Variants in PTPRD observed in about 807,000 individuals in gnomAD.
PTPRD encodes receptor-type tyrosine-protein phosphatase delta.
A neutral mutation model predicts 214.5 loss-of-function variants in PTPRD; 34 were observed. The observed-to-expected ratio is 0.16, with a 90% CI of 0.12 to 0.21. The LOEUF is 0.21. PTPRD is among the 10% of genes least tolerant of loss of function. The probability of loss-of-function intolerance (pLI) is 1.00; values close to 1 mark genes in which losing one functional copy is unlikely to be tolerated. For synonymous variants in PTPRD, 1,128 were observed against 845.7 expected (o/e 1.33, Z -5.79); for missense variants, 2,545 against 2,398.7 (o/e 1.06, Z -1.27).
Position 8,975,097 on chromosome 9 carries a change from C to CAAAAA in PTPRD, c.-104+43595_-104+43599dup, listed in dbSNP as rs35644783. On this transcript the variant is annotated intron_variant, in intron 11 of 45. Transcript: ENST00000381196. ...GGGTGACAAGAGCAAAACTCTGTCT[C>CAAAAA]AAAAAAAAAAAAAAAAAGATTTTCA... Among the ~76,000 whole-genome samples, 386 of 116,398 alleles carry CAAAAA rather than the reference C, an allele frequency of 3.3e-3. 6 individuals carry two copies. The highest frequency in any genetic ancestry group is 0.011 in the African/African-American group (352 of 31,004). The allele number at this position is 116,398 out of a possible 152,430, so 76.4% of individuals were successfully genotyped here.
chr9:8,451,959 G>C (rs1290363844), intron 33 of PTPRD: 1 of 435,306 alleles, frequency 2.3e-6, no homozygotes, highest in Non-Finnish European at 4.5e-6. Context: ...GTGACACTGA[G>C]CTGGAGGGTA....
intron 4 of PTPRD, among the ~76,000 whole-genome samples, chr9:9,945,974 A>T (rs74558707): frequency 0.098 from 14,567 of 149,038 alleles, 2,304 homozygotes; most frequent in African/African-American, 0.34. Flanking sequence ...ATTAAATGAT[A>T]TAAAATTTAA....
At position 9,918,797 on chromosome 9, in the gene PTPRD, G is replaced by C. The variant is rs149900348; in HGVS notation, c.-368+19710C>G. Among the ~76,000 whole-genome samples, 29 of 152,204 alleles carry C rather than the reference G, an allele frequency of 1.9e-4. 1 individual carries two copies. In the Middle Eastern group the frequency reaches 0.01, roughly 54 times the overall value. ...GGCATGGGTATCGAGAATATTCACT[G>C]TTGAAAAGGTAGTATCTTTAATAAA... On this transcript the variant is annotated intron_variant, in intron 5 of 45. Coordinates refer to ENST00000381196, the MANE Select transcript of PTPRD (RefSeq NM_002839.4).
At chr9:9,457,762 T>C (rs1287729406) in intron 8 of PTPRD, among the ~76,000 whole-genome samples, 1 of 148,014 alleles carries the variant, frequency 6.8e-6, no homozygotes, top group Non-Finnish European at 1.5e-5. Context: ...TTAAATGTTT[T>C]CCCCCAAATA....
At chr9:8,713,903 A>C in intron 12 of PTPRD, 1 of 826,120 alleles carries the variant, frequency 1.2e-6, no homozygotes, top group South Asian at 1.6e-5. Flanking sequence ...TGGAAAAAAA[A>C]AAAAATCTTT....
intron 44 of PTPRD, among the ~76,000 whole-genome samples, chr9:8,324,559 A>G (rs192045991): frequency 1.3e-5 from 2 of 152,308 alleles, no homozygotes; most frequent in East Asian, 3.9e-4. Context: ...CACAATAAAC[A>G]TATGTGTGCA....
At chr9:8,897,532 T>C (rs1349019038) in intron 11 of PTPRD, among the ~76,000 whole-genome samples, 1 of 152,128 alleles carries the variant, frequency 6.6e-6, no homozygotes, top group African/African-American at 2.4e-5. Context: ...CCTAGAGAGT[T>C]TTGATATCCC....
chr9:10,306,646 A>T (rs2096078291), intron 3 of PTPRD, among the ~76,000 whole-genome samples: 1 of 152,094 alleles, frequency 6.6e-6, no homozygotes, highest in Admixed American at 6.6e-5. Context: ...AGAGCCTTTA[A>T]TTGCCCAGTT....
At chr9:9,754,507 G>A (rs185847944) in intron 6 of PTPRD, among the ~76,000 whole-genome samples, 4 of 151,934 alleles carry the variant, frequency 2.6e-5, no homozygotes, top group South Asian at 2.1e-4. Context: ...AGTTCTTGAC[G>A]GCTTCACAAG....
At chr9:8,519,305 A>C (rs537446507) in intron 20 of PTPRD, among the ~76,000 whole-genome samples, 1 of 152,190 alleles carries the variant, frequency 6.6e-6, no homozygotes, top group East Asian at 1.9e-4. Flanking sequence ...TTAGAGGTCT[A>C]ATTCTTTCTT....
chr9:8,498,701 T>C (rs550122266), intron 25 of PTPRD, among the ~76,000 whole-genome samples: 1 of 152,198 alleles, frequency 6.6e-6, no homozygotes, highest in Non-Finnish European at 1.5e-5. Flanking sequence ...AATGAAAGTA[T>C]TCCAATGATC....
At chr9:9,959,750 T>C (rs887730087) in intron 4 of PTPRD, among the ~76,000 whole-genome samples, 18 of 152,144 alleles carry the variant, frequency 1.2e-4, no homozygotes, top group Non-Finnish European at 2.4e-4. Flanking sequence ...TACATGAATG[T>C]ATTGGAATGG....
chr9:8,945,009 T>A (rs1192508763), intron 11 of PTPRD, among the ~76,000 whole-genome samples: 1 of 152,202 alleles, frequency 6.6e-6, no homozygotes, highest in African/African-American at 2.4e-5. Flanking sequence ...AAATATCTTA[T>A]GTCCCCCATA....
At chr9:9,462,068 G>C (rs897144362) in intron 8 of PTPRD, among the ~76,000 whole-genome samples, 1 of 151,982 alleles carries the variant, frequency 6.6e-6, no homozygotes, top group Non-Finnish European at 1.5e-5. Flanking sequence ...TAATATCTAT[G>C]TCTTGTTTGT....
rs556404298 is a variant in PTPRD, at chr9:9,715,443, G to A, written c.-287+19090C>T. On this transcript the variant is annotated intron_variant, in intron 7 of 45. Transcript: ENST00000381196. ...TTCATAACATTAGTGATAGAAAGCCGTATTAGTGCCTTGGTGGGAGCCAAG... is the reference window on the plus strand; with the variant it reads ...TTCATAACATTAGTGATAGAAAGCCATATTAGTGCCTTGGTGGGAGCCAAG... Among the ~76,000 whole-genome samples the A allele has an allele frequency of 2.0e-4, 30 of 151,904 alleles. No homozygotes were observed. The South Asian group carries it at 4.0e-3, about 20-fold the overall frequency.
chr9:10,241,213 GAT>G (rs1275958551), intron 3 of PTPRD, among the ~76,000 whole-genome samples: 4 of 151,910 alleles, frequency 2.6e-5, no homozygotes, highest in African/African-American at 9.7e-5. Context: ...TGTTAGTGAG[GAT>G]ACAGAGGAAC....
At chr9:8,932,680 A>C (rs915745610) in intron 11 of PTPRD, among the ~76,000 whole-genome samples, 1 of 152,078 alleles carries the variant, frequency 6.6e-6, no homozygotes, top group Non-Finnish European at 1.5e-5. Context: ...GTGAGGGGAA[A>C]ACCACCTACT....
intron 11 of PTPRD, among the ~76,000 whole-genome samples, chr9:8,950,719 T>A (rs947806746): frequency 2.0e-5 from 3 of 151,480 alleles, no homozygotes; most frequent in East Asian, 1.9e-4. Flanking sequence ...TTTTTTTTTT[T>A]AAATAGAGCT....
At chr9:9,231,929 GTCAC>G (rs1395899260) in intron 9 of PTPRD, among the ~76,000 whole-genome samples, 2 of 151,956 alleles carry the variant, frequency 1.3e-5, no homozygotes, top group Non-Finnish European at 2.9e-5. Context: ...CTCTGTTTCT[GTCAC>G]TCTCCATCCA....
Sources: gnomAD v4.1 joint callset for allele counts (sites outside exome capture counted in the v4.1 genomes callset) on GRCh38, gnomAD v4.1.1 for gene constraint, MANE v1.5 for transcripts, NCBI Gene and HGNC (gene_info 2026-07-23, HGNC 2026-07-21) for gene names.